Variants in CAMKMT observed in about 807,000 individuals in gnomAD.
CAMKMT encodes calmodulin-lysine N-methyltransferase.
In CAMKMT, 53 loss-of-function variants were observed where a neutral mutation model predicts 48.0. That is an observed-to-expected ratio of 1.10 (90% CI 0.89 to 1.39). The LOEUF (loss-of-function observed/expected upper bound fraction) is 1.39, where lower values mean the gene tolerates loss of function less well. CAMKMT is among the 40% of genes most tolerant of loss of function. The pLI, the probability that CAMKMT is intolerant of heterozygous loss-of-function variation, is 0.00. For synonymous variants in CAMKMT, 165 were observed against 152.3 expected (o/e 1.08, Z -0.61); for missense variants, 428 against 402.7 (o/e 1.06, Z -0.54).
chr2:44,703,985 A>G (rs1442599741), intron 3 of CAMKMT, among the ~76,000 whole-genome samples: 1 of 152,106 alleles, frequency 6.6e-6, no homozygotes, highest in African/African-American at 2.4e-5. Flanking sequence ...TATGTGAAGT[A>G]CCATCAAAAT....
At chr2:44,552,570 C>G (rs998443858) in intron 3 of CAMKMT, among the ~76,000 whole-genome samples, 1 of 152,190 alleles carries the variant, frequency 6.6e-6, no homozygotes, top group Non-Finnish European at 1.5e-5. Context: ...GAGGCAACCA[C>G]TCACCTCCAT....
chr2:44,556,538 C>T lies in CAMKMT; in HGVS notation c.377-147745C>T, dbSNP rs1381159388. ...ACTGCGGACTGCAGTGGCGCAATCT[C>T]GGCTCACTGCAAGCTCCGCTTCCCG... On this transcript the variant is annotated intron_variant, in intron 3 of 10. Coordinates refer to ENST00000378494, the MANE Select transcript of CAMKMT (RefSeq NM_024766.5). 3.2e-5 allele frequency among the ~76,000 whole-genome samples: 2 copies of T among 61,878 alleles called. 1 individual carries two copies. Among genetic ancestry groups the T allele is most frequent in the Non-Finnish European group, 6.6e-5 (2 of 30,218 alleles). The allele number at this position is 61,878 out of a possible 152,430, so 40.6% of individuals were successfully genotyped here. A position where few individuals can be genotyped will look rare whatever the true frequency, so the allele number is the denominator to read the frequency against.
rs571238041 is a variant in CAMKMT at position 44,453,615 on chromosome 2, G to A, written c.376+63310G>A. 8.5e-5 allele frequency among the ~76,000 whole-genome samples: 13 copies of A among 152,194 alleles called. No homozygotes were observed. The South Asian group carries it at 2.7e-3, about 32-fold the overall frequency. On this transcript the variant is annotated intron_variant, in intron 3 of 10. Transcript: ENST00000378494. Reference sequence around the variant, plus strand: ...ATCTTTAGTATAGAGAATGGATTCAGTTTGGTTTAAGCAAATTTGTATCAT... The same window carrying A: ...ATCTTTAGTATAGAGAATGGATTCAATTTGGTTTAAGCAAATTTGTATCAT...
At chr2:44,662,645 T>C (rs1044696435) in intron 3 of CAMKMT, among the ~76,000 whole-genome samples, 1 of 152,170 alleles carries the variant, frequency 6.6e-6, no homozygotes, top group Non-Finnish European at 1.5e-5. Context: ...CAAGATGGAG[T>C]GCAGTGGTGC....
intron 6 of CAMKMT, among the ~76,000 whole-genome samples, chr2:44,712,918 C>A (rs75104896): frequency 0.054 from 8,258 of 152,132 alleles, 523 homozygotes; most frequent in African/African-American, 0.15. Context: ...AGCAGGATGT[C>A]TGAATTTATC....
intron 3 of CAMKMT, among the ~76,000 whole-genome samples, chr2:44,567,044 G>T (rs1668653196): frequency 6.6e-6 from 1 of 152,142 alleles, no homozygotes; most frequent in South Asian, 2.1e-4. Flanking sequence ...ATAGGAACCA[G>T]TATTTCAGAA....
chr2:44,363,631 C>G (rs1678243892), intron 1 of CAMKMT, among the ~76,000 whole-genome samples: 1 of 151,300 alleles, frequency 6.6e-6, no homozygotes, highest in South Asian at 2.1e-4. Flanking sequence ...CCACCCACCT[C>G]GGCTTCCCAA....
In CAMKMT at chr2:44,362,054, C is replaced by A; in HGVS notation, c.47C>A (p.Ala16Glu). Residue 16 changes from alanine (A) to glutamate (E), a missense_variant, in exon 1 of 11, where the codon GCA becomes GAA. Coordinates refer to ENST00000378494, the MANE Select transcript of CAMKMT (RefSeq NM_024766.5). ...ADAGTGETAR[A>E]AGGSPAVGCT... ...GCTGGGACCGGCGAGACCGCGCGAG[C>A]AGCGGGCGGGAGTCCGGCAGTTGGC... The A allele has an allele frequency of 7.0e-7, 1 of 1,435,494 alleles. No individual in the cohort carries two copies. 88.9% of individuals were successfully genotyped at this position (1,435,494 alleles called of 1,614,324 possible). A position where few individuals can be genotyped will look rare whatever the true frequency, so the allele number is the denominator to read the frequency against.
chr2:44,659,419 C>A (rs1483657574), intron 3 of CAMKMT, among the ~76,000 whole-genome samples: 2 of 151,412 alleles, frequency 1.3e-5, no homozygotes, highest in Admixed American at 6.6e-5. Context: ...AGAACAAGAC[C>A]CAGTTTCAAG....
intron 3 of CAMKMT, among the ~76,000 whole-genome samples, chr2:44,683,844 G>GA (rs1195347686): frequency 2.1e-5 from 2 of 94,198 alleles, no homozygotes; most frequent in Non-Finnish European, 4.6e-5. Flanking sequence ...AAAAAAAAAA[G>GA]AAAAAGAAAA....
At chr2:44,510,525 T>C (rs1019754202) in intron 3 of CAMKMT, among the ~76,000 whole-genome samples, 1 of 152,170 alleles carries the variant, frequency 6.6e-6, no homozygotes, top group African/African-American at 2.4e-5. Flanking sequence ...ACTACTATTT[T>C]CCCCTTTGTA....
chr2:44,381,039 A>T (rs1422197089), intron 2 of CAMKMT, among the ~76,000 whole-genome samples: 1 of 152,070 alleles, frequency 6.6e-6, no homozygotes, highest in South Asian at 2.1e-4. Flanking sequence ...AGACACCTGT[A>T]ATCCCAGCTA....
chr2:44,443,997 C>G (rs980143979), intron 3 of CAMKMT, among the ~76,000 whole-genome samples: 16 of 152,046 alleles, frequency 1.1e-4, no homozygotes, highest in African/African-American at 3.9e-4. Flanking sequence ...TAAGGCAGAA[C>G]ACAAGAAGGG....
At chr2:44,510,565 A>G (rs1223162) in intron 3 of CAMKMT, among the ~76,000 whole-genome samples, 110,323 of 152,108 alleles carry the variant, frequency 0.73, 40,181 homozygotes, top group Middle Eastern at 0.79. Flanking sequence ...TTGTTGAGAC[A>G]TACTTTGAGA....
intron 3 of CAMKMT, among the ~76,000 whole-genome samples, chr2:44,472,987 A>G (rs1668501826): frequency 6.6e-6 from 1 of 152,152 alleles, no homozygotes; most frequent in African/African-American, 2.4e-5. Flanking sequence ...AAACCGGGAG[A>G]GAGGAAAGAT....
chr2:44,529,841 A>G (rs1486776919), intron 3 of CAMKMT, among the ~76,000 whole-genome samples: 1 of 152,222 alleles, frequency 6.6e-6, no homozygotes, highest in Non-Finnish European at 1.5e-5. Flanking sequence ...GAAAATTGCA[A>G]TCTGTGAGTA....
chr2:44,543,394 G>A (rs1348294232), intron 3 of CAMKMT, among the ~76,000 whole-genome samples: 1 of 152,126 alleles, frequency 6.6e-6, no homozygotes, highest in East Asian at 1.9e-4. Flanking sequence ...CTCTGTTCTG[G>A]ATTAGTTATG....
intron 3 of CAMKMT, among the ~76,000 whole-genome samples, chr2:44,576,657 G>T (rs1257429627): frequency 6.6e-6 from 1 of 152,200 alleles, no homozygotes; most frequent in Non-Finnish European, 1.5e-5. Flanking sequence ...ACAGGAGTAG[G>T]TGAGGACAGT....
intron 3 of CAMKMT, among the ~76,000 whole-genome samples, chr2:44,391,180 A>G (rs1681301917): frequency 6.6e-6 from 1 of 152,242 alleles, no homozygotes. Context: ...AGATTTGCAT[A>G]GAATTGTGTT....
Sources: gnomAD v4.1 joint callset for allele counts (sites outside exome capture counted in the v4.1 genomes callset) on GRCh38, gnomAD v4.1.1 for gene constraint, MANE v1.5 for transcripts, NCBI Gene and HGNC (gene_info 2026-07-23, HGNC 2026-07-21) for gene names.